CNTN4: variants seen among roughly 807,000 people sequenced by gnomAD.
The protein encoded by CNTN4 is contactin-4.
A neutral mutation model predicts 122.5 loss-of-function variants in CNTN4; 77 were observed. The ratio of observed to expected loss-of-function variants is 0.63; its 90% confidence interval spans 0.52 to 0.76. The LOEUF is 0.76. Among genes scored for constraint, CNTN4 ranks in the 30% least tolerant of loss-of-function variants. CNTN4 has a pLI of 0.00. For missense variants in CNTN4, 1,256 were observed against 1,259.1 expected (o/e 1.00, Z 0.04); for synonymous variants, 512 against 447.0 (o/e 1.15, Z -1.83).
intron 13 of CNTN4, among the ~76,000 whole-genome samples, chr3:2,942,987 G>A (rs2151517753): frequency 6.6e-6 from 1 of 152,254 alleles, no homozygotes; most frequent in Admixed American, 6.5e-5. Context: ...ATTGTATAAG[G>A]ACGGATTAGA....
At chr3:2,356,033 T>A (rs1229720938) in intron 3 of CNTN4, among the ~76,000 whole-genome samples, 2 of 152,160 alleles carry the variant, frequency 1.3e-5, no homozygotes, top group African/African-American at 4.8e-5. Flanking sequence ...CAGTGTTTCC[T>A]GACTGCTAAT....
chr3:2,346,681 G>A lies in CNTN4; in HGVS notation c.-89+7448G>A, dbSNP rs533818251. ...TTGTTTTCTATCCTTTATTACTACA[G>A]ATAATGAAATCTGCTGTTAGTCAAA... On this transcript the variant is annotated intron_variant, in intron 3 of 24. Transcript: ENST00000418658. Among the ~76,000 whole-genome samples the A allele has an allele frequency of 5.9e-5, 9 of 152,252 alleles. No individual in the cohort carries two copies. The East Asian group carries it at 1.7e-3, about 29-fold the overall frequency.
rs1454708922 is a variant in CNTN4 at position 2,841,612 on chromosome 3, C to A, written c.454+22031C>A. Among the ~76,000 whole-genome samples the A allele has an allele frequency of 1.3e-5, 2 of 152,160 alleles. No homozygotes were observed. Among genetic ancestry groups the A allele is most frequent in the Non-Finnish European group, 2.9e-5 (2 of 68,030 alleles). On this transcript the variant is annotated intron_variant, in intron 7 of 24. Coordinates refer to ENST00000418658, the MANE Select transcript of CNTN4 (RefSeq NM_175607.3). The surrounding 1 kb of genome is among the most constrained non-coding windows in gnomAD (Gnocchi z 4.8). The stretch of plus-strand genomic sequence containing the variant: ...TCGGGATTTGGTTATTTCCTCAACC[C>A]TTTGTGAAGAAATCTTTTAATTTTT...
intron 12 of CNTN4, among the ~76,000 whole-genome samples, chr3:2,905,963 C>T (rs1285016386): frequency 1.3e-5 from 2 of 152,090 alleles, no homozygotes; most frequent in Non-Finnish European, 2.9e-5. Context: ...AATGGGCAAA[C>T]AACATTTGGT....
intron 3 of CNTN4, among the ~76,000 whole-genome samples, chr3:2,473,905 G>C (rs1028526662): frequency 2.1e-4 from 32 of 151,992 alleles, no homozygotes; most frequent in African/African-American, 7.7e-4. Flanking sequence ...TCAGCTACTC[G>C]GGAGGCTGAG....
chr3:2,966,639 T>G (rs75790596), intron 13 of CNTN4, among the ~76,000 whole-genome samples: 3,881 of 152,298 alleles, frequency 0.025, 198 homozygotes, highest in Admixed American at 0.13. Flanking sequence ...TGAATGTTCC[T>G]AATACAAAGA....
chr3:2,529,651 G>A (rs897395932), intron 3 of CNTN4, among the ~76,000 whole-genome samples: 1 of 152,048 alleles, frequency 6.6e-6, no homozygotes, highest in East Asian at 1.9e-4. Flanking sequence ...TGGTTTCAAG[G>A]GATATGCCTT....
chr3:2,754,513 G>C (rs1436731502), intron 6 of CNTN4, among the ~76,000 whole-genome samples: 1 of 152,182 alleles, frequency 6.6e-6, no homozygotes, highest in Non-Finnish European at 1.5e-5. Context: ...CCTCACTTAA[G>C]ATGAGGAAAG....
intron 2 of CNTN4, among the ~76,000 whole-genome samples, chr3:2,263,381 A>AT (rs2040916004): frequency 6.6e-6 from 1 of 152,102 alleles, no homozygotes; most frequent in African/African-American, 2.4e-5. Context: ...AATGAGACTG[A>AT]TTTTTTACAT....
In CNTN4 at chr3:2,787,853, G is replaced by A. The variant is rs187250486; in HGVS notation, c.359-31633G>A. 6.1e-4 allele frequency among the ~76,000 whole-genome samples: 92 copies of A among 150,360 alleles called. No individual in the cohort carries two copies. In the East Asian group the frequency reaches 0.016, roughly 26 times the overall value. The stretch of plus-strand genomic sequence containing the variant: ...TGCCCAGGCTAGAGTGCAGTGGTGC[G>A]ATCTTGGCTCACTGCAACCTCTGCC... On this transcript the variant is annotated intron_variant, in intron 6 of 24. Coordinates refer to ENST00000418658, the MANE Select transcript of CNTN4 (RefSeq NM_175607.3).
In CNTN4 at chr3:2,611,121, G is replaced by A. The variant is rs557845615; in HGVS notation, c.55+39563G>A. ...TGTCTCCATTTTACAGATGTTATAG[G>A]CAAAGTTAAAGGTGTGTAGGCAAGT... On this transcript the variant is annotated intron_variant, in intron 4 of 24. Coordinates refer to ENST00000418658, the MANE Select transcript of CNTN4 (RefSeq NM_175607.3). Among the ~76,000 whole-genome samples the A allele has an allele frequency of 5.9e-5, 9 of 151,642 alleles. No homozygotes were observed. The South Asian group carries it at 1.9e-3, about 32-fold the overall frequency.
intron 6 of CNTN4, among the ~76,000 whole-genome samples, chr3:2,786,927 G>C (rs928860591): frequency 2.0e-5 from 3 of 152,126 alleles, no homozygotes; most frequent in African/African-American, 7.2e-5. Context: ...AGTAACCTCA[G>C]TAATTTATAC....
At chr3:2,562,613 C>G (rs925064347) in intron 3 of CNTN4, among the ~76,000 whole-genome samples, 29 of 152,128 alleles carry the variant, frequency 1.9e-4, no homozygotes, top group African/African-American at 7.0e-4. Context: ...ACCAAATTTT[C>G]TTTAATCCAC....
At chr3:2,267,836 A>G (rs1287434937) in intron 2 of CNTN4, among the ~76,000 whole-genome samples, 1 of 151,696 alleles carries the variant, frequency 6.6e-6, no homozygotes, top group East Asian at 1.9e-4. Context: ...CTATCTTTTC[A>G]TCATATATAT....
chr3:2,127,915 G>A (rs920732280), intron 2 of CNTN4, among the ~76,000 whole-genome samples: 12 of 152,184 alleles, frequency 7.9e-5, no homozygotes, highest in Non-Finnish European at 1.6e-4. Flanking sequence ...AAGATAACTT[G>A]TTACTGAATT....
chr3:3,021,256 G>A (rs910405658), intron 14 of CNTN4, among the ~76,000 whole-genome samples: 2 of 152,136 alleles, frequency 1.3e-5, no homozygotes, highest in African/African-American at 4.8e-5. Flanking sequence ...ATGCAGAATT[G>A]ATACAGTTTA....
chr3:2,178,361 T>A (rs2036848830), intron 2 of CNTN4, among the ~76,000 whole-genome samples: 1 of 152,022 alleles, frequency 6.6e-6, no homozygotes, highest in South Asian at 2.1e-4. Context: ...GAATATGGAA[T>A]AGGAAGAGTG....
chr3:2,811,198 T>G (rs1489626675), intron 6 of CNTN4, among the ~76,000 whole-genome samples: 1 of 151,610 alleles, frequency 6.6e-6, no homozygotes, highest in East Asian at 2.0e-4. Context: ...TCACTTGAAG[T>G]CAGGAGTTCG....
chr3:2,355,631 T>G (rs1214237894), intron 3 of CNTN4, among the ~76,000 whole-genome samples: 1 of 152,202 alleles, frequency 6.6e-6, no homozygotes, highest in Non-Finnish European at 1.5e-5. Context: ...AGGTATTTTC[T>G]TTCATCTTTG....
Sources: gnomAD v4.1 joint callset for allele counts (sites outside exome capture counted in the v4.1 genomes callset) on GRCh38, gnomAD v4.1.1 for gene constraint, Gnocchi (gnomAD v3.1) non-coding constraint, MANE v1.5 for transcripts, NCBI Gene and HGNC (gene_info 2026-07-23, HGNC 2026-07-21) for gene names.